The following GRM7 variants were observed in gnomAD, a reference collection of about 807,000 sequenced individuals.
GRM7 encodes glutamate metabotropic receptor 7.
GRM7 carries 35 observed loss-of-function variants against 84.5 expected under a neutral mutation model. The observed-to-expected ratio is 0.41, with a 90% CI of 0.32 to 0.55. The LOEUF (loss-of-function observed/expected upper bound fraction) is 0.55. Ranked by LOEUF, GRM7 falls within the 20% of genes least tolerant of loss-of-function variation. The pLI is 0.19. For synonymous variants in GRM7, 487 were observed against 455.1 expected (o/e 1.07, Z -0.89); for missense variants, 1,003 against 1,194.6 (o/e 0.84, Z 2.36).
chr3:7,147,948 T>C (rs934385975), intron 2 of GRM7, among the ~76,000 whole-genome samples: 2 of 152,152 alleles, frequency 1.3e-5, no homozygotes, highest in Non-Finnish European at 2.9e-5. Flanking sequence ...TATCACAGGT[T>C]AGTATAATTT....
At chr3:7,271,364 C>G (rs998177710) in intron 2 of GRM7, among the ~76,000 whole-genome samples, 4 of 151,808 alleles carry the variant, frequency 2.6e-5, no homozygotes, top group African/African-American at 9.7e-5. Context: ...TCGAGACCAT[C>G]CTGGCTAACA....
intron 7 of GRM7, among the ~76,000 whole-genome samples, chr3:7,480,151 A>C (rs1699074025): frequency 6.6e-6 from 1 of 152,212 alleles, no homozygotes; most frequent in Non-Finnish European, 1.5e-5. Context: ...CACAGAGTCT[A>C]ACCAGACAAG....
intron 2 of GRM7, among the ~76,000 whole-genome samples, chr3:7,219,223 T>C (rs1008779794): frequency 1.3e-5 from 2 of 151,638 alleles, no homozygotes; most frequent in African/African-American, 4.9e-5. Context: ...TTTCATATAA[T>C]GTTCTATATT....
chr3:7,331,233 C>G (rs541381694), intron 4 of GRM7, among the ~76,000 whole-genome samples: 4 of 152,136 alleles, frequency 2.6e-5, no homozygotes, highest in Non-Finnish European at 4.4e-5. Context: ...AAAGAGGAGG[C>G]ATGAAGGCTT....
chr3:7,010,921 T>C (rs952650987), intron 1 of GRM7, among the ~76,000 whole-genome samples: 4 of 152,176 alleles, frequency 2.6e-5, no homozygotes, highest in African/African-American at 7.2e-5. Context: ...AGGAAAAGAA[T>C]TGCAGAAGCA....
chr3:6,874,837 A>G (rs1453822023), intron 1 of GRM7, among the ~76,000 whole-genome samples: 1 of 152,188 alleles, frequency 6.6e-6, no homozygotes, highest in Non-Finnish European at 1.5e-5. Flanking sequence ...ATTCAAGGAA[A>G]ACTTACTCCT....
chr3:6,949,811 T>C (rs1692649743), intron 1 of GRM7, among the ~76,000 whole-genome samples: 1 of 152,230 alleles, frequency 6.6e-6, no homozygotes, highest in East Asian at 1.9e-4. Context: ...TCATTTGATC[T>C]TCCATCTCTG....
At chr3:7,421,231 A>G (rs1696379723) in intron 5 of GRM7, among the ~76,000 whole-genome samples, 1 of 152,216 alleles carries the variant, frequency 6.6e-6, no homozygotes, top group Non-Finnish European at 1.5e-5. Context: ...CAAGGGAAGC[A>G]TAGCGCCACC....
chr3:7,624,848 T>A (rs1697532358), intron 8 of GRM7, among the ~76,000 whole-genome samples: 1 of 152,112 alleles, frequency 6.6e-6, no homozygotes, highest in Admixed American at 6.6e-5. Context: ...TGAGAAGGAT[T>A]TGAGCAGGAA....
chr3:7,246,055 A>G (rs1361179187), intron 2 of GRM7, among the ~76,000 whole-genome samples: 36 of 152,146 alleles, frequency 2.4e-4, no homozygotes, highest in Admixed American at 2.4e-3. Flanking sequence ...AAAGCATAAT[A>G]TCACTAATTT....
At chr3:7,309,631 A>G (rs1227661667) in intron 4 of GRM7, among the ~76,000 whole-genome samples, 1 of 152,130 alleles carries the variant, frequency 6.6e-6, no homozygotes, top group Non-Finnish European at 1.5e-5. Flanking sequence ...TTTTCTGAGT[A>G]TGCATTCAAA....
chr3:6,896,158 A>T (rs1029197883), intron 1 of GRM7, among the ~76,000 whole-genome samples: 1 of 152,112 alleles, frequency 6.6e-6, no homozygotes, highest in African/African-American at 2.4e-5. Flanking sequence ...AAAGGATGTG[A>T]ATTGGAGCTG....
chr3:7,103,816 T>TTCTTTCTTTCTTTCTTTCTCTC (rs1553617438), intron 1 of GRM7, among the ~76,000 whole-genome samples: 5 of 89,094 alleles, frequency 5.6e-5, no homozygotes, highest in South Asian at 3.8e-4. Context: ...CTTTCTTTCT[T>TTCTTTCTTTCTTTCTTTCTCTC]TCTCTCTCTC....
intron 4 of GRM7, among the ~76,000 whole-genome samples, chr3:7,378,311 AAAAT>A (rs1273355469): frequency 6.6e-6 from 1 of 152,344 alleles, no homozygotes; most frequent in East Asian, 1.9e-4. Context: ...GCAGAGATGA[AAAAT>A]AAAGAAACAC....
chr3:7,032,492 G>A (rs1436570999), intron 1 of GRM7, among the ~76,000 whole-genome samples: 1 of 152,178 alleles, frequency 6.6e-6, no homozygotes, highest in East Asian at 1.9e-4. Flanking sequence ...GTGCTTAGGA[G>A]AAAATCAGCC....
intron 1 of GRM7, among the ~76,000 whole-genome samples, chr3:7,067,943 A>G (rs1697726021): frequency 6.6e-6 from 1 of 152,016 alleles, no homozygotes. Context: ...ATTAAACGTA[A>G]AGAACTCACC....
chr3:7,305,295 G>T, intron 3 of GRM7, among the ~76,000 whole-genome samples: 1 of 137,774 alleles, frequency 7.3e-6, no homozygotes, highest in African/African-American at 2.8e-5. Flanking sequence ...CTATTTTGGT[G>T]TTTACAATAT....
chr3:7,023,897 G>A (rs1695874357), intron 1 of GRM7, among the ~76,000 whole-genome samples: 1 of 152,160 alleles, frequency 6.6e-6, no homozygotes, highest in South Asian at 2.1e-4. Context: ...AAAGTGTGAT[G>A]GCATGGATTC....
intron 2 of GRM7, among the ~76,000 whole-genome samples, chr3:7,158,894 G>T (rs532259816): frequency 1.4e-3 from 207 of 152,222 alleles, no homozygotes; most frequent in African/African-American, 4.8e-3. Context: ...TTCCTTAAAG[G>T]TAGTTTAGCT....
Sources: gnomAD v4.1 joint callset for allele counts (sites outside exome capture counted in the v4.1 genomes callset) on GRCh38, gnomAD v4.1.1 for gene constraint, MANE v1.5 for transcripts, NCBI Gene and HGNC (gene_info 2026-07-23, HGNC 2026-07-21) for gene names.